The following TBC1D22A variants were observed in gnomAD, a reference collection of about 807,000 sequenced individuals.
TBC1D22A encodes the protein putative GTPase activator.
Under a neutral mutation model 60.2 loss-of-function variants are expected in TBC1D22A, and 38 were observed. The observed-to-expected ratio is 0.63, with a 90% CI of 0.49 to 0.83. The LOEUF (loss-of-function observed/expected upper bound fraction) is 0.83, where lower values mean the gene tolerates loss of function less well. Among genes scored for constraint, TBC1D22A ranks in the 40% least tolerant of loss-of-function variants. TBC1D22A has a pLI of 0.00. For missense variants in TBC1D22A, 628 were observed against 701.0 expected (o/e 0.90, Z 1.18); for synonymous variants, 302 against 281.7 (o/e 1.07, Z -0.72).
chr22:47,045,679 C>T (rs2063008057), intron 11 of TBC1D22A, among the ~76,000 whole-genome samples: 1 of 152,166 alleles, frequency 6.6e-6, no homozygotes, highest in Admixed American at 6.5e-5. Flanking sequence ...CTTACTGAGG[C>T]CCTACTGTGT....
chr22:47,073,846 G>A (rs1382697105), intron 11 of TBC1D22A, among the ~76,000 whole-genome samples: 3 of 152,180 alleles, frequency 2.0e-5, no homozygotes, highest in Non-Finnish European at 2.9e-5. Flanking sequence ...CTATGATTCA[G>A]GCTGGGCACA....
At chr22:46,994,791 C>G (rs2075063146) in intron 9 of TBC1D22A, among the ~76,000 whole-genome samples, 1 of 152,198 alleles carries the variant, frequency 6.6e-6, no homozygotes, top group African/African-American at 2.4e-5. Context: ...TGTAAACTTG[C>G]AACACACAGT....
chr22:47,061,018 A>T (rs1279075291), intron 11 of TBC1D22A, among the ~76,000 whole-genome samples: 1 of 152,140 alleles, frequency 6.6e-6, no homozygotes, highest in Admixed American at 6.5e-5. Flanking sequence ...AACCGCTCGC[A>T]TGCGACCTCC....
intron 11 of TBC1D22A, among the ~76,000 whole-genome samples, chr22:47,070,320 G>A (rs77739397): frequency 0.39 from 47,100 of 120,524 alleles, 7,785 homozygotes; most frequent in East Asian, 0.51. Flanking sequence ...ATGGTTCCAG[G>A]CTGTTCCCTG....
intron 11 of TBC1D22A, among the ~76,000 whole-genome samples, chr22:47,079,371 G>C (rs892354789): frequency 2.0e-5 from 3 of 152,176 alleles, no homozygotes; most frequent in South Asian, 2.1e-4. Context: ...ACAGACTTGA[G>C]CCACCGTGCC....
chr22:46,927,062 C>CA (rs377102437), intron 8 of TBC1D22A, among the ~76,000 whole-genome samples: 167 of 152,224 alleles, frequency 1.1e-3, no homozygotes, highest in African/African-American at 3.9e-3. Context: ...TAGACTCTTT[C>CA]AAAAAATAGA....
chr22:46,792,548 C>A lies in TBC1D22A; in HGVS notation c.91C>A (p.Pro31Thr). The A allele has an allele frequency of 6.2e-7, 1 of 1,614,222 alleles. No homozygotes were observed. Among genetic ancestry groups the A allele is most frequent in the African/African-American group, 1.3e-5 (1 of 75,056 alleles). ...SIQHVYGAQH[P>T]PFDPLLHGTL... The stretch of plus-strand genomic sequence containing the variant: ...CCAGCACGTGTATGGTGCCCAGCAC[C>A]CCCCCTTTGATCCACTGTTACATGG... The change falls in exon 2 of 13, where the codon CCC (proline) becomes ACC (threonine). Residue 31 changes from proline (P) to threonine (T), a missense_variant. Coordinates refer to ENST00000337137, the MANE Select transcript of TBC1D22A (RefSeq NM_014346.5).
intron 8 of TBC1D22A, chr22:46,913,236 A>G (rs2070085642): frequency 1.2e-6 from 1 of 820,102 alleles, no homozygotes; most frequent in African/African-American, 1.8e-5. Flanking sequence ...AGGGGACTTT[A>G]CTGTTTAGTC....
intron 5 of TBC1D22A, 142 bp from the exon 6 acceptor site, chr22:46,891,124 C>A: frequency 1.1e-6 from 1 of 917,008 alleles, no homozygotes; most frequent in Non-Finnish European, 1.5e-6. Context: ...TTTCTTTTTT[C>A]CCACAATTTG....
At chr22:47,033,347 A>C (rs1197815620) in intron 10 of TBC1D22A, among the ~76,000 whole-genome samples, 2 of 152,224 alleles carry the variant, frequency 1.3e-5, no homozygotes, top group African/African-American at 4.8e-5. Context: ...TGTGGCTGGA[A>C]AACTCCTCGC....
chr22:46,775,354 C>G (rs899681034), intron 1 of TBC1D22A, among the ~76,000 whole-genome samples: 4 of 152,280 alleles, frequency 2.6e-5, no homozygotes, highest in Non-Finnish European at 4.4e-5. Context: ...TTTCCGAATA[C>G]GGAAGGGATC....
At position 46,908,808 on chromosome 22, in the gene TBC1D22A, T is replaced by C. The variant is rs114541502; in HGVS notation, c.901-3266T>C. Among the ~76,000 whole-genome samples, 1,184 of 152,216 alleles carry C rather than the reference T, an allele frequency of 7.8e-3. 13 individuals carry two copies. The highest frequency in any genetic ancestry group is 0.027 in the African/African-American group (1,140 of 41,540). On this transcript the variant is annotated intron_variant, in intron 7 of 12. Transcript: ENST00000337137. ...ACTGTTTGTTTGCTAACTGAAGGCT[T>C]AGCCACCTCCTGCCGTGCCTGTTTG... is the stretch of plus-strand genomic sequence containing the variant.
At chr22:46,991,496 G>A (rs1009322030) in intron 9 of TBC1D22A, among the ~76,000 whole-genome samples, 7 of 152,222 alleles carry the variant, frequency 4.6e-5, no homozygotes, top group Non-Finnish European at 8.8e-5. Context: ...CAAGTCCTAC[G>A]TTCAGGTGCA....
At chr22:47,012,844 C>T (rs982859944) in intron 10 of TBC1D22A, among the ~76,000 whole-genome samples, 2 of 152,184 alleles carry the variant, frequency 1.3e-5, no homozygotes, top group African/African-American at 4.8e-5. Context: ...GAAGACGGGA[C>T]ATTAACAGTT....
At chr22:47,036,648 G>A (rs1449958235) in intron 10 of TBC1D22A, among the ~76,000 whole-genome samples, 2 of 152,280 alleles carry the variant, frequency 1.3e-5, no homozygotes, top group South Asian at 4.1e-4. Context: ...ACAAGATTGG[G>A]CCCCTCCTGA....
chr22:47,128,012 C>T (rs1432572845), intron 12 of TBC1D22A, among the ~76,000 whole-genome samples: 1 of 93,542 alleles, frequency 1.1e-5, no homozygotes, highest in African/African-American at 4.4e-5. Context: ...CCACCCATCC[C>T]CCCATCCTCC....
At chr22:46,955,942 C>T (rs9616177) in intron 8 of TBC1D22A, among the ~76,000 whole-genome samples, 3,033 of 152,292 alleles carry the variant, frequency 0.02, 54 homozygotes, top group Non-Finnish European at 0.032. Flanking sequence ...TGAACCAGCC[C>T]AGATGCCCAC....
At position 47,076,341 on chromosome 22, in the gene TBC1D22A, GTA is replaced by G. The variant is rs201031048; in HGVS notation, c.1330-35155_1330-35154del. ...TATATATGTATATGTGTGTGTGTGT[GTA>G]TATATATATATGTGTGTGTATATAT... On this transcript the variant is annotated intron_variant, in intron 11 of 12. Coordinates refer to ENST00000337137, the MANE Select transcript of TBC1D22A (RefSeq NM_014346.5). Among the ~76,000 whole-genome samples the G allele has an allele frequency of 6.3e-3, 726 of 116,128 alleles. 8 individuals are homozygous for G. The highest frequency in any genetic ancestry group is 0.02 in the African/African-American group (617 of 30,584). The allele number at this position is 116,128 out of a possible 152,430, so 76.2% of individuals were successfully genotyped here. A position where few individuals can be genotyped will look rare whatever the true frequency, so the allele number is the denominator to read the frequency against.
chr22:47,133,426 A>G (rs1250269952), intron 12 of TBC1D22A, among the ~76,000 whole-genome samples: 2 of 152,150 alleles, frequency 1.3e-5, no homozygotes, highest in Non-Finnish European at 2.9e-5. Context: ...CCAGTACCAG[A>G]GCGGGAGGCT....
Sources: gnomAD v4.1 joint callset for allele counts (sites outside exome capture counted in the v4.1 genomes callset) on GRCh38, gnomAD v4.1.1 for gene constraint, MANE v1.5 for transcripts, NCBI Gene and HGNC (gene_info 2026-07-23, HGNC 2026-07-21) for gene names.